Variants in WDFY3 observed in about 807,000 individuals in gnomAD.
The protein encoded by WDFY3 is WD repeat and FYVE domain-containing protein 3.
Under a neutral mutation model 409.6 loss-of-function variants are expected in WDFY3, and 66 were observed. The observed-to-expected ratio is 0.16, with a 90% CI of 0.13 to 0.20. The LOEUF is 0.20. WDFY3 is among the 10% of genes least tolerant of loss of function. The pLI is 1.00. For synonymous variants in WDFY3, 1,521 were observed against 1,537.1 expected, an observed-to-expected ratio of 0.99 and a Z score of 0.25; for missense variants, 3,031 against 4,298.1, an observed-to-expected ratio of 0.71 and a Z score of 8.24.
chr4:84,756,527 A>G (rs1741485405), intron 33 of WDFY3, among the ~76,000 whole-genome samples: 2 of 151,682 alleles, frequency 1.3e-5, no homozygotes, highest in East Asian at 1.9e-4. Flanking sequence ...GGAATTTTCA[A>G]TCAGCTGAGA....
chr4:84,917,717 AAT>A (rs139140602), intron 2 of WDFY3, among the ~76,000 whole-genome samples: 3 of 151,220 alleles, frequency 2.0e-5, no homozygotes, highest in African/African-American at 2.4e-5. Context: ...AGCAAATTTG[AAT>A]ATATATATAT....
intron 9 of WDFY3, 131 bp from the exon 10 acceptor site, chr4:84,827,112 CTG>C: frequency 1.1e-6 from 1 of 879,984 alleles, no homozygotes; most frequent in South Asian, 2.2e-5. Flanking sequence ...TGAAAGAACA[CTG>C]GGGTCATTAG....
intron 44 of WDFY3, among the ~76,000 whole-genome samples, chr4:84,727,493 A>G (rs1735856954): frequency 6.6e-6 from 1 of 152,212 alleles, no homozygotes; most frequent in South Asian, 2.1e-4. Flanking sequence ...CAGAGGGTAG[A>G]CTGGATCATC....
chr4:84,726,893 G>C lies in WDFY3; in HGVS notation c.7240C>G (p.Gln2414Glu). ...TNVASEIPSK[Q>E]PETPDDIPQK... ...GGAATATCATCGGGTGTCTCAGGCT[G>C]TTTACTTGGGATCTCAGACTGAAAA... Residue 2414 changes from glutamine (Q) to glutamate (E), a missense_variant, in exon 45 of 68, where the codon CAG becomes GAG. Around this residue, in one of 16 missense-constraint regions of WDFY3, gnomAD observed 127 missense variants for 144.4 expected, o/e 0.88. Transcript: ENST00000295888. 1 of 1,607,582 alleles carries C rather than the reference G, an allele frequency of 6.2e-7. No individual in the cohort carries two copies. Among genetic ancestry groups the C allele is most frequent in the Non-Finnish European group, 8.5e-7 (1 of 1,178,056 alleles).
chr4:84,739,375 G>A (rs1471814842), intron 39 of WDFY3: 4 of 368,316 alleles, frequency 1.1e-5, no homozygotes, highest in Non-Finnish European at 2.0e-5. Flanking sequence ...TTTGATTATT[G>A]TGAACATTTT....
intron 34 of WDFY3, 129 bp from the exon 35 acceptor site, chr4:84,754,005 C>G (rs1166141557): frequency 9.9e-7 from 1 of 1,007,090 alleles, no homozygotes; most frequent in Admixed American, 3.8e-5. Flanking sequence ...CTGTAAACCA[C>G]ACATATGAGC....
chr4:84,965,921 G>GCTCT (rs1775633743), intron 1 of WDFY3: 1 of 152,382 alleles, frequency 6.6e-6, no homozygotes, highest in South Asian at 2.1e-4. Context: ...CGCTCCGCTC[G>GCTCT]CCGCCCGTGA....
At chr4:84,954,794 G>A (rs1774037626) in intron 1 of WDFY3, among the ~76,000 whole-genome samples, 1 of 152,146 alleles carries the variant, frequency 6.6e-6, no homozygotes, top group African/African-American at 2.4e-5. Context: ...TGCTTATTTA[G>A]CTGCACTATT....
rs1271637047 is a variant in WDFY3, at chr4:84,868,719, T to C, written c.-31-8097A>G. ...ACAGCAACTGTTGAAATCTCCCTGC[T>C]GCCTTTCTGGAACCCTTTCTACAAC... On this transcript the variant is annotated intron_variant, in intron 3 of 67. Coordinates refer to ENST00000295888, the MANE Select transcript of WDFY3 (RefSeq NM_014991.6). 3.3e-5 allele frequency among the ~76,000 whole-genome samples: 5 copies of C among 152,210 alleles called. No homozygotes were observed. In the South Asian group the frequency reaches 1.0e-3, roughly 32 times the overall value.
At chr4:84,853,661 G>C (rs1044512323) in intron 4 of WDFY3, among the ~76,000 whole-genome samples, 4 of 152,172 alleles carry the variant, frequency 2.6e-5, no homozygotes, top group Non-Finnish European at 5.9e-5. Context: ...CAGTCTTCAT[G>C]CTGGGTAAAT....
chr4:84,957,456 C>T (rs1774386249), intron 1 of WDFY3, among the ~76,000 whole-genome samples: 2 of 152,090 alleles, frequency 1.3e-5, no homozygotes, highest in African/African-American at 4.8e-5. Flanking sequence ...TAATGTTTTG[C>T]CTCAAGTCTT....
chr4:84,846,113 C>T (rs975317332), intron 5 of WDFY3, among the ~76,000 whole-genome samples: 3 of 151,880 alleles, frequency 2.0e-5, no homozygotes, highest in African/African-American at 4.8e-5. Context: ...ATTTGAGATA[C>T]GGTACTTAGG....
chr4:84,889,967 C>T (rs892453406), intron 3 of WDFY3, among the ~76,000 whole-genome samples: 1 of 152,168 alleles, frequency 6.6e-6, no homozygotes, highest in East Asian at 1.9e-4. Flanking sequence ...CAAGATCCAT[C>T]GTACCTTGCT....
At position 84,677,364 on chromosome 4, in the gene WDFY3, C is replaced by T. The variant is rs1449557653; in HGVS notation, c.10292G>A (p.Arg3431Gln). The change falls in exon 67 of 68, where the codon CGA becomes CAA. Residue 3431 changes from arginine (R) to glutamine (Q), a missense_variant. Arg to Gln is a conservative substitution (Grantham distance 43). This residue lies in a region of WDFY3 where 378 missense variants were observed against 477.3 expected (regional missense o/e 0.79). Transcript: ENST00000295888. ...DHSRILVGDS[R>Q]GRVFSWSVSD... ...CACAGACCAGCTGAAAACTCGGCCT[C>T]GACTGTCACCAACGAGGATCCTACT... 3 of 1,613,788 alleles carry T rather than the reference C, an allele frequency of 1.9e-6. No homozygotes were observed. Among genetic ancestry groups the T allele is most frequent in the South Asian group, 1.1e-5 (1 of 91,042 alleles).
At chr4:84,849,442 T>TG (rs1758568169) in intron 5 of WDFY3, among the ~76,000 whole-genome samples, 1 of 152,110 alleles carries the variant, frequency 6.6e-6, no homozygotes, top group Admixed American at 6.6e-5. Flanking sequence ...TGAGGAAAGA[T>TG]TCTCCTTCCT....
chr4:84,960,686 C>T (rs1172572141), intron 1 of WDFY3, among the ~76,000 whole-genome samples: 1 of 152,028 alleles, frequency 6.6e-6, no homozygotes, highest in Non-Finnish European at 1.5e-5. Context: ...CTATGTTGCC[C>T]AGGCTGGTCT....
rs547345002 is a variant in WDFY3, at chr4:84,685,186, T to C, written c.9544-1061A>G. Among the ~76,000 whole-genome samples, 77 of 152,232 alleles carry C rather than the reference T, an allele frequency of 5.1e-4. 1 individual carries two copies. In the South Asian group the frequency reaches 0.015, roughly 30 times the overall value. On this transcript the variant is annotated intron_variant, in intron 62 of 67. Coordinates refer to ENST00000295888, the MANE Select transcript of WDFY3 (RefSeq NM_014991.6). ...CTCAGGAGATATATAAGAACCTACATAAGTCTTAAGATGGTCAGCAAAAAC... is the reference window on the plus strand; with the variant it reads ...CTCAGGAGATATATAAGAACCTACACAAGTCTTAAGATGGTCAGCAAAAAC...
At chr4:84,696,237 G>A (rs1730122168) in intron 57 of WDFY3, 55 bp from the exon 58 acceptor site, 3 of 1,557,774 alleles carry the variant, frequency 1.9e-6, no homozygotes, top group Non-Finnish European at 2.6e-6. Flanking sequence ...CTTGCTCAGA[G>A]ACTAGAAAAA....
At chr4:84,904,914 G>A (rs556901657) in intron 2 of WDFY3, among the ~76,000 whole-genome samples, 9 of 152,304 alleles carry the variant, frequency 5.9e-5, no homozygotes, top group East Asian at 1.9e-4. Context: ...CAAGGCAGGC[G>A]GATCACTTGA....
Sources: allele counts gnomAD v4.1 joint callset (sites outside exome capture counted in the v4.1 genomes callset), GRCh38; gene constraint gnomAD v4.1.1; regional missense constraint gnomAD v4.1.1; transcripts MANE v1.5; gene names NCBI Gene and HGNC (gene_info 2026-07-23, HGNC 2026-07-21).